The following TENM3 variants were observed in gnomAD, a reference collection of about 807,000 sequenced individuals.
The protein encoded by TENM3 is teneurin-3.
Under a neutral mutation model 255.1 loss-of-function variants are expected in TENM3, and 63 were observed. The ratio of observed to expected loss-of-function variants is 0.25; its 90% confidence interval spans 0.20 to 0.30. The LOEUF is 0.30. TENM3 is among the 10% of genes least tolerant of loss of function. The pLI is 1.00. For missense variants in TENM3, 2,929 were observed against 3,461.1 expected, an observed-to-expected ratio of 0.85 and a Z score of 3.86; for synonymous variants, 1,306 against 1,322.3, an observed-to-expected ratio of 0.99 and a Z score of 0.27.
the TENM3 span, among the ~76,000 whole-genome samples, chr4:181,706,116 G>GAGCTA: frequency 6.6e-6 from 1 of 152,000 alleles, no homozygotes; most frequent in Non-Finnish European, 1.5e-5. Context: ...CATGAGGGAG[G>GAGCTA]AGCTGTTCCA....
chr4:182,594,528 TAA>T (rs1746989652), intron 3 of TENM3, among the ~76,000 whole-genome samples: 1 of 152,136 alleles, frequency 6.6e-6, no homozygotes. Context: ...TGTCTCTAAA[TAA>T]ATCAATAAAG....
rs1010837352 is a variant in TENM3 at position 182,801,138 on chromosome 4, A to AT, written c.*794dup. The AT allele has an allele frequency of 5.1e-4, 78 of 152,354 alleles. No homozygotes were observed. Among genetic ancestry groups the AT allele is most frequent in the East Asian group, 3.9e-4 (2 of 5,190 alleles). 9.4% of individuals were successfully genotyped at this position (152,354 alleles called of 1,614,324 possible). A position where few individuals can be genotyped will look rare whatever the true frequency, so the allele number is the denominator to read the frequency against. Reference sequence around the variant, plus strand: ...AAATGATAAAAACGTGAACTGTGTGATTTTTTTAAAAGGATTGCACCTTTT... The same window carrying AT: ...AAATGATAAAAACGTGAACTGTGTGATTTTTTTTAAAAGGATTGCACCTTTT... On this transcript the variant is annotated 3_prime_UTR_variant, in exon 28 of 28. Transcript: ENST00000511685.
chr4:181,706,471 T>C, the TENM3 span, among the ~76,000 whole-genome samples: 1 of 152,182 alleles, frequency 6.6e-6, no homozygotes, highest in Non-Finnish European at 1.5e-5. Context: ...ATTTTCATAA[T>C]ATTAGTCAGA....
At chr4:182,258,615 T>A (rs1382983419) in intron 1 of TENM3, among the ~76,000 whole-genome samples, 1 of 152,204 alleles carries the variant, frequency 6.6e-6, no homozygotes, top group Admixed American at 6.5e-5. Flanking sequence ...GAAGTCAGAA[T>A]AAGATATTTT....
chr4:181,788,212 C>T, the TENM3 span, among the ~76,000 whole-genome samples: 4 of 152,118 alleles, frequency 2.6e-5, no homozygotes, highest in African/African-American at 9.7e-5. Flanking sequence ...ATCTTTATCA[C>T]CCTCTGATGA....
the TENM3 span, among the ~76,000 whole-genome samples, chr4:181,690,928 AAT>A: frequency 8.5e-6 from 1 of 117,174 alleles, no homozygotes; most frequent in East Asian, 2.2e-4. Flanking sequence ...CTAACAAGCA[AAT>A]ACCTTTTTAA....
At chr4:182,770,981 T>A (rs997593257) in intron 22 of TENM3, among the ~76,000 whole-genome samples, 2 of 152,162 alleles carry the variant, frequency 1.3e-5, no homozygotes, top group African/African-American at 4.8e-5. Flanking sequence ...GCCGCTAGGA[T>A]CCCAGCTTAA....
chr4:182,052,338 G>T, the TENM3 span, among the ~76,000 whole-genome samples: 14 of 152,154 alleles, frequency 9.2e-5, no homozygotes, highest in Admixed American at 8.5e-4. Flanking sequence ...TGAGATGGGG[G>T]AGAGAAGGAA....
the TENM3 span, among the ~76,000 whole-genome samples, chr4:181,814,584 A>ATG: frequency 3.9e-4 from 46 of 117,072 alleles, no homozygotes; most frequent in African/African-American, 1.6e-3. Context: ...ATATTTTTAA[A>ATG]TGCGTGTGTG....
chr4:182,443,698 C>T (rs1772680915), intron 3 of TENM3, among the ~76,000 whole-genome samples: 1 of 152,150 alleles, frequency 6.6e-6, no homozygotes, highest in East Asian at 1.9e-4. Context: ...CTTGACTGCC[C>T]CCTACAAAGA....
the TENM3 span, among the ~76,000 whole-genome samples, chr4:181,549,172 C>T: frequency 0.055 from 8,329 of 152,224 alleles, 705 homozygotes; most frequent in African/African-American, 0.19. Context: ...CCCCAACCTA[C>T]TGGCTGCCCC....
chr4:182,621,730 A>ATGTATT (rs1561016661), intron 4 of TENM3, among the ~76,000 whole-genome samples: 937 of 3,784 alleles, frequency 0.25, 54 homozygotes, highest in Non-Finnish European at 0.49. Context: ...TTATATATAA[A>ATGTATT]ATATATAATA....
rs564904504 is a variant in TENM3, at chr4:182,585,829, C to G, written c.512-15095C>G. ...TCATGAAATGAAAGCTCATAAGATC[C>G]ATGAAAGACTATCTTAGTTACTGCT... On this transcript the variant is annotated intron_variant, in intron 3 of 27. Coordinates refer to ENST00000511685, the MANE Select transcript of TENM3 (RefSeq NM_001080477.4). Among the ~76,000 whole-genome samples the G allele has an allele frequency of 2.6e-5, 4 of 152,040 alleles. No homozygotes were observed. In the South Asian group the frequency reaches 8.3e-4, roughly 32 times the overall value.
chr4:182,269,960 G>A (rs1398695737), intron 1 of TENM3, among the ~76,000 whole-genome samples: 4 of 152,168 alleles, frequency 2.6e-5, no homozygotes, highest in Non-Finnish European at 5.9e-5. Flanking sequence ...GAAAGTTGGG[G>A]CATCCAGAAG....
chr4:182,583,333 CTGTGTGTGTGTGTG>C lies in TENM3; in HGVS notation c.512-17559_512-17546del, dbSNP rs3073440. Among the ~76,000 whole-genome samples the C allele has an allele frequency of 3.1e-4, 45 of 143,514 alleles. 1 individual carries two copies. Among genetic ancestry groups the C allele is most frequent in the African/African-American group, 7.1e-4 (27 of 38,270 alleles). The allele number at this position is 143,514 out of a possible 152,430, so 94.2% of individuals were successfully genotyped here. On this transcript the variant is annotated intron_variant, in intron 3 of 27. Coordinates refer to ENST00000511685, the MANE Select transcript of TENM3 (RefSeq NM_001080477.4). ...GAGTTAGCAACTGAAGCTTAAACCTCTGTGTGTGTGTGTGTGTGTGTGTGTGTGTGTGTGTGTGT... is the reference window on the plus strand; with the variant it reads ...GAGTTAGCAACTGAAGCTTAAACCTCTGTGTGTGTGTGTGTGTGTGTGTGT...
rs1162712884 is a variant in TENM3, at chr4:182,730,227, A to G, written c.2613A>G (p.Val871=). 1 of 1,613,778 alleles carries G rather than the reference A, an allele frequency of 6.2e-7. No individual in the cohort carries two copies. Among genetic ancestry groups the G allele is most frequent in the Non-Finnish European group, 8.5e-7 (1 of 1,179,812 alleles). ...KSLASVIRGQ[V]LTADGTPLIG... The stretch of plus-strand genomic sequence containing the variant: ...TTGCATCTGTCATCAGAGGCCAAGT[A>G]CTGACTGCTGATGGAACTCCACTTA... The change falls in exon 15 of 28, where the codon GTA becomes GTG. Residue 871 remains valine (V), a synonymous_variant. Coordinates refer to ENST00000511685, the MANE Select transcript of TENM3 (RefSeq NM_001080477.4).
intron 6 of TENM3, among the ~76,000 whole-genome samples, chr4:182,670,908 A>G (rs1355744173): frequency 6.6e-6 from 1 of 152,204 alleles, no homozygotes; most frequent in South Asian, 2.1e-4. Flanking sequence ...TGAAAAACAT[A>G]CCATAAATGA....
the TENM3 span, among the ~76,000 whole-genome samples, chr4:181,715,149 A>G: frequency 2.6e-5 from 4 of 152,336 alleles, no homozygotes; most frequent in African/African-American, 9.6e-5. Flanking sequence ...ACTACTGTAT[A>G]CATTATTCTT....
intron 6 of TENM3, among the ~76,000 whole-genome samples, chr4:182,666,016 A>G (rs1754647928): frequency 6.6e-6 from 1 of 152,212 alleles, no homozygotes; most frequent in South Asian, 2.1e-4. Context: ...TAATTCCAAC[A>G]TTCATAGATG....
Sources: allele counts gnomAD v4.1 joint callset (sites outside exome capture counted in the v4.1 genomes callset), GRCh38; gene constraint gnomAD v4.1.1; transcripts MANE v1.5; gene names NCBI Gene and HGNC (gene_info 2026-07-23, HGNC 2026-07-21).